The following SLC24A2 variants were observed in gnomAD, a reference collection of about 807,000 sequenced individuals.
SLC24A2 encodes the protein solute carrier family 24 member 2, also known as sodium/potassium/calcium exchanger 2.
A neutral mutation model predicts 62.0 loss-of-function variants in SLC24A2; 36 were observed. That is an observed-to-expected ratio of 0.58 (90% CI 0.44 to 0.77). The LOEUF (loss-of-function observed/expected upper bound fraction) is 0.77. Ranked by LOEUF, SLC24A2 falls within the 30% of genes least tolerant of loss-of-function variation. The pLI, the probability that SLC24A2 is intolerant of heterozygous loss-of-function variation, is 0.00. For missense variants in SLC24A2, 846 were observed against 817.9 expected (o/e 1.03, Z -0.42); for synonymous variants, 358 against 294.0 (o/e 1.22, Z -2.23).
chr9:19,799,317 A>G, the SLC24A2 span, among the ~76,000 whole-genome samples: 6 of 151,982 alleles, frequency 3.9e-5, no homozygotes, highest in Admixed American at 6.6e-5. Context: ...TGCCTGATAC[A>G]CTTTTTCTGT....
chr9:19,617,260 T>C (rs1185391508), intron 4 of SLC24A2, among the ~76,000 whole-genome samples: 1 of 152,126 alleles, frequency 6.6e-6, no homozygotes, highest in African/African-American at 2.4e-5. Flanking sequence ...AAATGCTGAT[T>C]TGAGAGGAGG....
chr9:20,061,002 G>T, the SLC24A2 span, among the ~76,000 whole-genome samples: 1 of 152,150 alleles, frequency 6.6e-6, no homozygotes, highest in African/African-American at 2.4e-5. Flanking sequence ...TTTGTATACT[G>T]AAAACTACAA....
chr9:20,046,644 C>CCTCT, the SLC24A2 span, among the ~76,000 whole-genome samples: 1 of 152,142 alleles, frequency 6.6e-6, no homozygotes, highest in Non-Finnish European at 1.5e-5. Flanking sequence ...TACAAGTGAA[C>CCTCT]CTCTATAGTC....
intron 2 of SLC24A2, among the ~76,000 whole-genome samples, chr9:19,647,572 G>T (rs953850713): frequency 2.6e-5 from 4 of 152,114 alleles, no homozygotes; most frequent in Non-Finnish European, 5.9e-5. Context: ...TGCAGAAATG[G>T]GACATTAATG....
the SLC24A2 span, among the ~76,000 whole-genome samples, chr9:20,129,089 C>CA: frequency 5.3e-5 from 8 of 151,388 alleles, no homozygotes; most frequent in Non-Finnish European, 1.0e-4. Context: ...AACTCAACAG[C>CA]AAAAAAAACC....
the SLC24A2 span, among the ~76,000 whole-genome samples, chr9:20,023,536 T>A: frequency 1.3e-5 from 2 of 151,308 alleles, no homozygotes; most frequent in Non-Finnish European, 2.9e-5. Flanking sequence ...AAGGATTTAG[T>A]TCATTTCATT....
At chr9:20,156,692 G>A in the SLC24A2 span, among the ~76,000 whole-genome samples, 8 of 151,816 alleles carry the variant, frequency 5.3e-5, no homozygotes, top group Admixed American at 3.9e-4. Context: ...TGTTTATACT[G>A]AATCCTAAAC....
the SLC24A2 span, among the ~76,000 whole-genome samples, chr9:19,947,808 A>AAAAAAAAAGAAAG: frequency 1.7e-5 from 1 of 59,226 alleles, no homozygotes. Context: ...AAAAAAAAAA[A>AAAAAAAAAGAAAG]AAAGAAAGAA....
At chr9:19,771,625 C>A (rs899207667) in intron 2 of SLC24A2, among the ~76,000 whole-genome samples, 1 of 152,188 alleles carries the variant, frequency 6.6e-6, no homozygotes, top group Non-Finnish European at 1.5e-5. Flanking sequence ...CTGACACAAG[C>A]TAGAAACGAG....
chr9:19,983,636 C>G, the SLC24A2 span, among the ~76,000 whole-genome samples: 1 of 152,102 alleles, frequency 6.6e-6, no homozygotes, highest in African/African-American at 2.4e-5. Context: ...GATTGAGACT[C>G]CATCTCAAAA....
chr9:19,640,498 G>A (rs1293131778), intron 2 of SLC24A2, among the ~76,000 whole-genome samples: 4 of 152,192 alleles, frequency 2.6e-5, no homozygotes, highest in South Asian at 2.1e-4. Flanking sequence ...GCGTTGATAC[G>A]GGGTTGGCAG....
chr9:20,097,264 C>G, the SLC24A2 span, among the ~76,000 whole-genome samples: 1 of 152,140 alleles, frequency 6.6e-6, no homozygotes, highest in African/African-American at 2.4e-5. Context: ...ACAGAGTACT[C>G]CAATTGCCCG....
chr9:19,761,805 A>T (rs909823550), intron 2 of SLC24A2, among the ~76,000 whole-genome samples: 1 of 152,154 alleles, frequency 6.6e-6, no homozygotes, highest in African/African-American at 2.4e-5. Context: ...TACAAAGGAG[A>T]TGAACTCATC....
At chr9:20,052,417 G>A in the SLC24A2 span, among the ~76,000 whole-genome samples, 1 of 152,188 alleles carries the variant, frequency 6.6e-6, no homozygotes, top group African/African-American at 2.4e-5. Flanking sequence ...AATACAATGA[G>A]GCACTGAAAT....
intron 2 of SLC24A2, among the ~76,000 whole-genome samples, chr9:19,758,901 C>T (rs920997222): frequency 2.0e-5 from 3 of 152,146 alleles, no homozygotes; most frequent in Admixed American, 6.6e-5. Context: ...GTCGTCTGTT[C>T]TCCTTGATTC....
At chr9:20,195,582 TC>T in the SLC24A2 span, among the ~76,000 whole-genome samples, 3 of 152,178 alleles carry the variant, frequency 2.0e-5, no homozygotes, top group African/African-American at 7.2e-5. Context: ...TCAATACTAA[TC>T]CTTTATCAAT....
chr9:20,259,032 GAGTC>G, the SLC24A2 span, among the ~76,000 whole-genome samples: 1 of 152,110 alleles, frequency 6.6e-6, no homozygotes, highest in Non-Finnish European at 1.5e-5. Context: ...CAGAAGGAGA[GAGTC>G]AGAGGGAAAT....
chr9:19,785,176 T>C (rs1823125862), intron 2 of SLC24A2, among the ~76,000 whole-genome samples: 1 of 152,258 alleles, frequency 6.6e-6, no homozygotes, highest in Admixed American at 6.5e-5. Flanking sequence ...CAGGAATTAC[T>C]TCTAAGCTCT....
At chr9:20,297,701 G>A in the SLC24A2 span, among the ~76,000 whole-genome samples, 101 of 152,308 alleles carry the variant, frequency 6.6e-4, 2 homozygotes, top group East Asian at 0.019. Context: ...GGGTGGATCC[G>A]TGGGCGCTTC....
Sources: gnomAD v4.1 joint callset for allele counts (sites outside exome capture counted in the v4.1 genomes callset) on GRCh38, gnomAD v4.1.1 for gene constraint, MANE v1.5 for transcripts, NCBI Gene and HGNC (gene_info 2026-07-23, HGNC 2026-07-21) for gene names.